Variants in FLI1 observed in about 807,000 individuals in gnomAD.
The protein encoded by FLI1 is Friend leukemia integration 1 transcription factor.
Under a neutral mutation model 53.1 loss-of-function variants are expected in FLI1, and 13 were observed. The ratio of observed to expected loss-of-function variants is 0.24; its 90% CI spans 0.16 to 0.39. The LOEUF (loss-of-function observed/expected upper bound fraction) is 0.39. Ranked by LOEUF, FLI1 falls within the 10% of genes least tolerant of loss-of-function variation. The pLI, the probability that FLI1 is intolerant of heterozygous loss-of-function variation, is 1.00. For synonymous variants in FLI1, 244 were observed against 236.7 expected, an observed-to-expected ratio of 1.03 and a Z score of -0.28; for missense variants, 424 against 600.5, an observed-to-expected ratio of 0.71 and a Z score of 3.07.
At chr11:128,739,842 G>T (rs1259398805) in intron 1 of FLI1, among the ~76,000 whole-genome samples, 1 of 152,142 alleles carries the variant, frequency 6.6e-6, no homozygotes, top group Admixed American at 6.5e-5. Flanking sequence ...GGAGTGTGGG[G>T]GCCTGGGAGA....
intron 5 of FLI1, among the ~76,000 whole-genome samples, chr11:128,791,778 A>G (rs559577): frequency 0.39 from 59,441 of 151,586 alleles, 12,761 homozygotes; most frequent in African/African-American, 0.6. Flanking sequence ...TCCCTGAACA[A>G]GGAAGCAAAA....
intron 1 of FLI1, among the ~76,000 whole-genome samples, chr11:128,745,457 A>G (rs1371078549): frequency 1.3e-5 from 2 of 152,178 alleles, no homozygotes; most frequent in South Asian, 2.1e-4. Flanking sequence ...CCGAGCCACA[A>G]AAGAACTAAA....
At chr11:128,721,288 A>T (rs1217996785) in intron 1 of FLI1, among the ~76,000 whole-genome samples, 2 of 152,150 alleles carry the variant, frequency 1.3e-5, no homozygotes, top group East Asian at 3.8e-4. Flanking sequence ...TGTACTTGGC[A>T]CCTCCTATTC....
intron 1 of FLI1, among the ~76,000 whole-genome samples, chr11:128,707,829 A>T (rs1938617236): frequency 6.6e-6 from 1 of 152,152 alleles, no homozygotes; most frequent in African/African-American, 2.4e-5. Context: ...TGTGTATTTC[A>T]TGGGAAATTT....
intron 1 of FLI1, among the ~76,000 whole-genome samples, chr11:128,694,705 G>C (rs1008338349): frequency 2.0e-5 from 3 of 152,206 alleles, no homozygotes; most frequent in Admixed American, 6.5e-5. Flanking sequence ...AACACGGCGG[G>C]GGCGGGGGCT....
chr11:128,766,848 A>G (rs549457611), intron 2 of FLI1, among the ~76,000 whole-genome samples: 1 of 151,286 alleles, frequency 6.6e-6, no homozygotes, highest in South Asian at 2.1e-4. Flanking sequence ...CCTTATCTGA[A>G]CTCCTTGGTC....
At chr11:128,705,398 C>T (rs928945190) in intron 1 of FLI1, among the ~76,000 whole-genome samples, 6 of 152,318 alleles carry the variant, frequency 3.9e-5, no homozygotes, top group East Asian at 3.9e-4. Context: ...CAATAGAGAA[C>T]GGCATATTCT....
At chr11:128,787,250 G>A (rs1942115562) in intron 5 of FLI1, among the ~76,000 whole-genome samples, 1 of 152,138 alleles carries the variant, frequency 6.6e-6, no homozygotes, top group Non-Finnish European at 1.5e-5. Flanking sequence ...TCCCGTTTGT[G>A]CCCTCTGGTG....
At chr11:128,694,346 G>A (rs563839566) in intron 1 of FLI1, 70 bp downstream of exon 1, 217 of 1,179,868 alleles carry the variant, frequency 1.8e-4, no homozygotes, top group Non-Finnish European at 2.3e-4. Flanking sequence ...GCGGGTAGGT[G>A]CGGGGCCCGC....
At chr11:128,738,653 C>G (rs1378433815) in intron 1 of FLI1, among the ~76,000 whole-genome samples, 2 of 152,228 alleles carry the variant, frequency 1.3e-5, no homozygotes, top group African/African-American at 4.8e-5. Flanking sequence ...AGTTTCTTTA[C>G]CTGTGAACCG....
At chr11:128,742,399 T>C (rs1940176687) in intron 1 of FLI1, among the ~76,000 whole-genome samples, 1 of 152,236 alleles carries the variant, frequency 6.6e-6, no homozygotes, top group African/African-American at 2.4e-5. Context: ...GTGACAAATC[T>C]GTTTTATGGC....
At chr11:128,761,730 T>C (rs1462297256) in intron 2 of FLI1, among the ~76,000 whole-genome samples, 1 of 152,112 alleles carries the variant, frequency 6.6e-6, no homozygotes, top group Non-Finnish European at 1.5e-5. Flanking sequence ...GGAAATTGAT[T>C]TTTCAGAACC....
At chr11:128,704,899 A>T (rs902266004) in intron 1 of FLI1, among the ~76,000 whole-genome samples, 1 of 152,262 alleles carries the variant, frequency 6.6e-6, no homozygotes, top group African/African-American at 2.4e-5. Context: ...TATCCAGCTC[A>T]AGGTGACAAT....
chr11:128,762,241 C>T (rs1941149791), intron 2 of FLI1, among the ~76,000 whole-genome samples: 1 of 152,200 alleles, frequency 6.6e-6, no homozygotes, highest in Admixed American at 6.5e-5. Context: ...CAGTTCGTTA[C>T]TTGCACATGA....
intron 1 of FLI1, among the ~76,000 whole-genome samples, chr11:128,754,132 C>T (rs1591782869): frequency 6.6e-6 from 1 of 152,108 alleles, no homozygotes; most frequent in Non-Finnish European, 1.5e-5. Context: ...TCTTCTCCTT[C>T]ATCTTCTCTC....
chr11:128,790,069 C>CGT (rs765614434), intron 5 of FLI1, among the ~76,000 whole-genome samples: 14,850 of 143,304 alleles, frequency 0.1, 892 homozygotes, highest in East Asian at 0.27. Context: ...TGCATGCATG[C>CGT]GTGTGTGTGT....
At chr11:128,686,245 C>A, upstream of FLI1, 3 of 430,780 alleles carry the variant, frequency 7.0e-6, no homozygotes, top group South Asian at 5.0e-5. Context: ...TGGTCGCGTT[C>A]TCTCCTCAAC....
chr11:128,771,498 C>T (rs1365677326), intron 3 of FLI1, among the ~76,000 whole-genome samples: 1 of 152,260 alleles, frequency 6.6e-6, no homozygotes, highest in Non-Finnish European at 1.5e-5. Flanking sequence ...AGCTGTGAAG[C>T]GTGAGCCTTG....
intron 1 of FLI1, among the ~76,000 whole-genome samples, chr11:128,714,275 C>T (rs1210158134): frequency 2.0e-5 from 3 of 151,902 alleles, no homozygotes; most frequent in African/African-American, 4.8e-5. Context: ...TGGCTGGCGC[C>T]GACATAAACT....
Sources: allele counts gnomAD v4.1 joint callset (sites outside exome capture counted in the v4.1 genomes callset), GRCh38; gene constraint gnomAD v4.1.1; transcripts MANE v1.5; gene names NCBI Gene and HGNC (gene_info 2026-07-23, HGNC 2026-07-21).